Variants in RASGRP2 observed in about 807,000 individuals in gnomAD.
RASGRP2 encodes RAS guanyl releasing protein 2.
RASGRP2 carries 44 observed loss-of-function variants against 71.0 expected under a neutral mutation model. The ratio of observed to expected loss-of-function variants is 0.62; its 90% CI spans 0.49 to 0.80. The LOEUF (loss-of-function observed/expected upper bound fraction) is 0.80. Among genes scored for constraint, RASGRP2 ranks in the 30% least tolerant of loss-of-function variants. The probability of loss-of-function intolerance (pLI) is 0.00; values close to 1 mark genes in which losing one functional copy is unlikely to be tolerated. For synonymous variants in RASGRP2, 350 were observed against 330.7 expected, an observed-to-expected ratio of 1.06 and a Z score of -0.63; for missense variants, 663 against 813.4, an observed-to-expected ratio of 0.82 and a Z score of 2.25.
rs1285558754 is a variant in RASGRP2 at position 64,743,194 on chromosome 11, A to C, written c.-71-257T>G. On this transcript the variant is annotated intron_variant, in intron 1 of 16. Transcript: ENST00000394432. The surrounding 1 kb of genome is among the most constrained non-coding windows in gnomAD (Gnocchi z 4.9). ...GGCTTCACGAGGATGGGGACGAACC[A>C]AGATCCCAGGACTGGCTGGCGCCCA... 5.4e-6 allele frequency: 3 copies of C among 557,830 alleles called. No homozygotes were observed. The highest frequency in any genetic ancestry group is 1.0e-5 in the Non-Finnish European group (3 of 292,986). 34.6% of individuals were successfully genotyped at this position (557,830 alleles called of 1,614,324 possible).
At chr11:64,741,921 G>A in intron 3 of RASGRP2, 89 bp downstream of exon 3, 1 of 1,118,498 alleles carries the variant, frequency 8.9e-7, no homozygotes, top group Non-Finnish European at 1.3e-6. Context: ...CTATACTTAG[G>A]AGCGAGGCTC....
Position 64,727,037 on chromosome 11 carries a change from C to A in RASGRP2, c.*101G>T. 2.3e-6 allele frequency: 1 copy of A among 431,638 alleles called. No homozygotes were observed. Among genetic ancestry groups the A allele is most frequent in the South Asian group, 2.0e-5 (1 of 48,934 alleles). 26.7% of individuals were successfully genotyped at this position (431,638 alleles called of 1,614,324 possible). A position where few individuals can be genotyped will look rare whatever the true frequency, so the allele number is the denominator to read the frequency against. ...CTGCATGCCACCCTCATATCCCACC[C>A]CCATCCCCAGCCTCCTGCCCCGACA... On this transcript the variant is annotated 3_prime_UTR_variant, in exon 17 of 17. Coordinates refer to ENST00000394432, the MANE Select transcript of RASGRP2 (RefSeq NM_001098671.2).
intron 3 of RASGRP2, 126 bp from the exon 4 acceptor site, chr11:64,741,627 C>T (rs1165747274): frequency 3.5e-6 from 3 of 850,538 alleles, no homozygotes; most frequent in Non-Finnish European, 5.8e-6. Flanking sequence ...TGCGGAGATG[C>T]TGGGGGTGAG....
rs771953179 is a variant in RASGRP2, at chr11:64,735,669, G to A, written c.1174-5C>T. 1 of 1,607,974 alleles carries A rather than the reference G, an allele frequency of 6.2e-7. No individual in the cohort carries two copies. Among genetic ancestry groups the A allele is most frequent in the Non-Finnish European group, 8.5e-7 (1 of 1,177,862 alleles). ...GCAACTCGTGGGGCTGGTTGGCTATGGAAATGGTCGGGCCTGAGCTAGGGC... is the reference window on the plus strand; with the variant it reads ...GCAACTCGTGGGGCTGGTTGGCTATAGAAATGGTCGGGCCTGAGCTAGGGC... On this transcript the variant is annotated splice_region_variant and splice_polypyrimidine_tract_variant and intron_variant, in intron 10 of 16. Transcript: ENST00000394432. The surrounding 1 kb of genome is among the most constrained non-coding windows in gnomAD (Gnocchi z 4.2).
At chr11:64,734,651 A>T (rs1448458044) in intron 12 of RASGRP2, among the ~76,000 whole-genome samples, 1 of 152,184 alleles carries the variant, frequency 6.6e-6, no homozygotes, top group Non-Finnish European at 1.5e-5. Flanking sequence ...ATAGGGCATG[A>T]ATCTGGCTTC....
chr11:64,730,997 G>C (rs1271953308), intron 12 of RASGRP2, among the ~76,000 whole-genome samples: 1 of 152,156 alleles, frequency 6.6e-6, no homozygotes, highest in Non-Finnish European at 1.5e-5. Context: ...GCTTATGAGG[G>C]GGCTCATAAT....
intron 15 of RASGRP2, 87 bp from the exon 16 acceptor site, chr11:64,727,447 T>A (rs2057603070): frequency 1.6e-6 from 2 of 1,239,488 alleles, no homozygotes; most frequent in African/African-American, 1.5e-5. Context: ...GGCATCCACA[T>A]CATCCCAGAA....
intron 5 of RASGRP2, chr11:64,740,452 G>A: frequency 3.1e-6 from 2 of 644,888 alleles, no homozygotes; most frequent in South Asian, 3.0e-5. Flanking sequence ...ACAGTCTACT[G>A]AGGGAGACAG....
chr11:64,727,505 AATT>A (rs1302040174), intron 15 of RASGRP2, 145 bp from the exon 16 acceptor site: 50 of 458,730 alleles, frequency 1.1e-4, no homozygotes, highest in Non-Finnish European at 1.6e-4. Context: ...CTCACAGCCC[AATT>A]TTTTTTTTTT....
rs1363206944 is a variant in RASGRP2, at chr11:64,742,881, G to A, written c.-15C>T. On this transcript the variant is annotated 5_prime_UTR_variant, in exon 2 of 17. Coordinates refer to ENST00000394432, the MANE Select transcript of RASGRP2 (RefSeq NM_001098671.2). The surrounding 1 kb of genome is among the most constrained non-coding windows in gnomAD (Gnocchi z 4.7). ...GTGCCTGCCATGGCCGCCGGCGCGGGGTGGGCTGGGCCCAGGCTGCGCTCC... is the reference window on the plus strand; with the variant it reads ...GTGCCTGCCATGGCCGCCGGCGCGGAGTGGGCTGGGCCCAGGCTGCGCTCC... The A allele has an allele frequency of 6.3e-7, 1 of 1,578,154 alleles. No individual in the cohort carries two copies. Among genetic ancestry groups the A allele is most frequent in the Non-Finnish European group, 8.6e-7 (1 of 1,165,962 alleles).
At chr11:64,730,808 C>T (rs1271058596) in intron 12 of RASGRP2, among the ~76,000 whole-genome samples, 1 of 152,242 alleles carries the variant, frequency 6.6e-6, no homozygotes, top group Non-Finnish European at 1.5e-5. Context: ...CTCCCTGTCC[C>T]TCCGTTTCCT....
Position 64,735,688 on chromosome 11 carries a change from C to A in RASGRP2, c.1174-24G>T. On this transcript the variant is annotated intron_variant, in intron 10 of 16. Coordinates refer to ENST00000394432, the MANE Select transcript of RASGRP2 (RefSeq NM_001098671.2). The surrounding 1 kb of genome is among the most constrained non-coding windows in gnomAD (Gnocchi z 4.2). ...GGCTATGGAAATGGTCGGGCCTGAG[C>A]TAGGGCCAGAGGCAGGGGAAGCCCA... is the stretch of plus-strand genomic sequence containing the variant. 7 of 1,600,214 alleles carry A rather than the reference C, an allele frequency of 4.4e-6. No homozygotes were observed. Among genetic ancestry groups the A allele is most frequent in the Non-Finnish European group, 6.0e-6 (7 of 1,174,710 alleles).
In RASGRP2 at chr11:64,739,671, C is replaced by T; in HGVS notation, c.661G>A (p.Ala221Thr). ...TGGACAAAGTGTGTGATGACCAGGGCCCGCTGCGGGGCTGTGGGTTTGCTG... is the reference window on the plus strand; with the variant it reads ...TGGACAAAGTGTGTGATGACCAGGGTCCGCTGCGGGGCTGTGGGTTTGCTG... Reference protein sequence around the residue: ...ILSKPTAPQRALVITHFVHVA... With the variant: ...ILSKPTAPQRTLVITHFVHVA... Residue 221 changes from alanine to threonine, a missense_variant, in exon 7 of 17, where the codon GCC becomes ACC. Transcript: ENST00000394432. The surrounding 1 kb of genome is among the most constrained non-coding windows in gnomAD (Gnocchi z 4.2). 6.2e-7 allele frequency: 1 copy of T among 1,613,958 alleles called. No individual in the cohort carries two copies. Among genetic ancestry groups the T allele is most frequent in the Non-Finnish European group, 8.5e-7 (1 of 1,179,940 alleles).
Position 64,743,900 on chromosome 11 carries a change from CGCACCGGGCCACAG to C in RASGRP2, c.-72+89_-72+102del, listed in dbSNP as rs2058226877. The C allele has an allele frequency of 2.4e-6, 2 of 842,208 alleles. No individual in the cohort carries two copies. Among genetic ancestry groups the C allele is most frequent in the South Asian group, 3.7e-5 (1 of 26,714 alleles). 52.2% of individuals were successfully genotyped at this position (842,208 alleles called of 1,614,324 possible). ...GGAGGTGCAGGCGTCCGCACTTACA[CGCACCGGGCCACAG>C]GCACCGGCCTCCCATCCTCCGTCTC... is the stretch of plus-strand genomic sequence containing the variant. On this transcript the variant is annotated intron_variant, in intron 1 of 16. Transcript: ENST00000394432. This position sits in a 1 kb window ranked among gnomAD's most constrained non-coding sequence, Gnocchi z 4.9.
chr11:64,737,880 C>T (rs1592374950), intron 8 of RASGRP2, among the ~76,000 whole-genome samples: 1 of 151,610 alleles, frequency 6.6e-6, no homozygotes, highest in African/African-American at 2.4e-5. Flanking sequence ...ATGGTGAAAG[C>T]CTGTCTCTAC....
intron 12 of RASGRP2, among the ~76,000 whole-genome samples, chr11:64,734,463 T>G (rs1392050849): frequency 6.6e-6 from 1 of 152,034 alleles, no homozygotes; most frequent in Non-Finnish European, 1.5e-5. Context: ...TCTCACTTCT[T>G]ACTTTAAACA....
In RASGRP2 at chr11:64,727,031, C is replaced by T; in HGVS notation, c.*107G>A. On this transcript the variant is annotated 3_prime_UTR_variant, in exon 17 of 17. Transcript: ENST00000394432. ...CCTCAGCTGCATGCCACCCTCATATCCCACCCCCATCCCCAGCCTCCTGCC... is the reference window on the plus strand; with the variant it reads ...CCTCAGCTGCATGCCACCCTCATATTCCACCCCCATCCCCAGCCTCCTGCC... 1 of 401,130 alleles carries T rather than the reference C, an allele frequency of 2.5e-6. No individual in the cohort carries two copies. The highest frequency in any genetic ancestry group is 4.8e-6 in the Non-Finnish European group (1 of 209,234). The allele number at this position is 401,130 out of a possible 1,614,324, so 24.8% of individuals were successfully genotyped here.
In RASGRP2 at chr11:64,742,449, A is replaced by G. The variant is rs1323887094; in HGVS notation, c.74-337T>C. 2 of 561,322 alleles carry G rather than the reference A, an allele frequency of 3.6e-6. No homozygotes were observed. Among genetic ancestry groups the G allele is most frequent in the Non-Finnish European group, 6.4e-6 (2 of 312,546 alleles). 34.8% of individuals were successfully genotyped at this position (561,322 alleles called of 1,614,324 possible). A position where few individuals can be genotyped will look rare whatever the true frequency, so the allele number is the denominator to read the frequency against. Reference sequence around the variant, plus strand: ...TGGGGGGAAGGGGCACCCCTTCACCAGATAAGCCGCCCCCCATTAGCCGGA... The same window carrying G: ...TGGGGGGAAGGGGCACCCCTTCACCGGATAAGCCGCCCCCCATTAGCCGGA... On this transcript the variant is annotated intron_variant, in intron 2 of 16. Coordinates refer to ENST00000394432, the MANE Select transcript of RASGRP2 (RefSeq NM_001098671.2). The surrounding 1 kb of genome is among the most constrained non-coding windows in gnomAD (Gnocchi z 4.7).
chr11:64,740,723 G>A lies in RASGRP2; in HGVS notation c.371+225C>T, dbSNP rs560448830. ...TCAGCCGACGGGGAGCCGACCCAGC[G>A]CAGCTACAGGAGGAGGTGTGTGGGA... On this transcript the variant is annotated intron_variant, in intron 5 of 16. Transcript: ENST00000394432. 140 of 680,236 alleles carry A rather than the reference G, an allele frequency of 2.1e-4. No individual in the cohort carries two copies. In the African/African-American group the frequency reaches 2.1e-3, roughly 10 times the overall value. 42.1% of individuals were successfully genotyped at this position (680,236 alleles called of 1,614,324 possible). A position where few individuals can be genotyped will look rare whatever the true frequency, so the allele number is the denominator to read the frequency against.
Sources: gnomAD v4.1 joint callset for allele counts (sites outside exome capture counted in the v4.1 genomes callset) on GRCh38, gnomAD v4.1.1 for gene constraint, Gnocchi (gnomAD v3.1) non-coding constraint, MANE v1.5 for transcripts, NCBI Gene and HGNC (gene_info 2026-07-23, HGNC 2026-07-21) for gene names.